ALOX15B: variants seen among roughly 807,000 people sequenced by gnomAD.
The protein encoded by ALOX15B is arachidonate 15-lipoxygenase type B, also known as polyunsaturated fatty acid lipoxygenase ALOX15B.
Under a neutral mutation model 73.8 loss-of-function variants are expected in ALOX15B, and 74 were observed. The observed-to-expected ratio is 1.00, with a 90% CI of 0.83 to 1.22. The LOEUF (loss-of-function observed/expected upper bound fraction) is 1.22. Ranked by LOEUF, ALOX15B falls within the 50% of genes most tolerant of loss-of-function variation. The probability of loss-of-function intolerance (pLI) is 0.00; values close to 1 mark genes in which losing one functional copy is unlikely to be tolerated. For synonymous variants in ALOX15B, 353 were observed against 357.2 expected (o/e 0.99, Z 0.13); for missense variants, 896 against 859.9 (o/e 1.04, Z -0.52).
intron 3 of ALOX15B, 106 bp from the exon 4 acceptor site, chr17:8,042,263 G>A: frequency 7.1e-7 from 1 of 1,405,100 alleles, no homozygotes; most frequent in South Asian, 1.4e-5. Context: ...TTGGCTGAAG[G>A]GGTCTGGCTG....
Position 8,039,536 on chromosome 17 carries a change from G to A in ALOX15B, c.298G>A (p.Gly100Ser), listed in dbSNP as rs1014863343. Residue 100 changes from glycine to serine, a missense_variant, in exon 2 of 14, where the codon GGC becomes AGC. By Grantham distance (56) the Gly-to-Ser change is moderately conservative (BLOSUM62 0). Transcript: ENST00000380183. ...GTTCCAGCTGACACCGCCGCGGGGCGGCCACCTCCTCTTCCCCTGCTACCA... is the reference window on the plus strand; with the variant it reads ...GTTCCAGCTGACACCGCCGCGGGGCAGCCACCTCCTCTTCCCCTGCTACCA... ...RWFQLTPPRGGHLLFPCYQWL... is the reference protein window; with the variant it reads ...RWFQLTPPRGSHLLFPCYQWL... 1.9e-6 allele frequency: 3 copies of A among 1,547,348 alleles called. No individual in the cohort carries two copies. Among genetic ancestry groups the A allele is most frequent in the Admixed American group, 1.9e-5 (1 of 52,096 alleles).
In ALOX15B at chr17:8,039,554, T is replaced by A; in HGVS notation, c.316T>A (p.Cys106Ser). Residue 106 changes from cysteine to serine, a missense_variant, in exon 2 of 14, where the codon TGC becomes AGC. Cys to Ser is a moderately radical substitution (Grantham distance 112). Transcript: ENST00000380183. The stretch of plus-strand genomic sequence containing the variant: ...GCGGGGCGGCCACCTCCTCTTCCCC[T>A]GCTACCAGTGGCTGGAGGGGGCGGG... ...PPRGGHLLFP[C>S]YQWLEGAGTL... 1 of 1,472,416 alleles carries A rather than the reference T, an allele frequency of 6.8e-7. No individual in the cohort carries two copies. Among genetic ancestry groups the A allele is most frequent in the Non-Finnish European group, 9.0e-7 (1 of 1,108,274 alleles). 91.2% of individuals were successfully genotyped at this position (1,472,416 alleles called of 1,614,324 possible).
rs994966995 is a variant in ALOX15B, at chr17:8,044,932, C to G, written c.780C>G (p.Asn260Lys). ...LIRRCHYLPK[N>K]FPVTDAMVAS... is the part of the protein sequence containing the mutation. Reference sequence around the variant, plus strand: ...GCCGCTGTCACTACCTCCCAAAGAACTTCCCCGTCACTGATGCCATGGTGG... The same window carrying G: ...GCCGCTGTCACTACCTCCCAAAGAAGTTCCCCGTCACTGATGCCATGGTGG... Residue 260 changes from asparagine (N) to lysine (K), a missense_variant, in exon 6 of 14, where the codon AAC becomes AAG. Physicochemically the swap from Asn to Lys is moderately conservative, Grantham distance 94. Coordinates refer to ENST00000380183, the MANE Select transcript of ALOX15B (RefSeq NM_001141.3). 3.1e-6 allele frequency: 5 copies of G among 1,614,066 alleles called. No individual in the cohort carries two copies. Among genetic ancestry groups the G allele is most frequent in the Non-Finnish European group, 4.2e-6 (5 of 1,180,036 alleles).
chr17:8,048,511 G>A lies in ALOX15B; in HGVS notation c.1977G>A (p.Val659=). ...RGIQERNQGL[V]LPYTYLDPPL... ...TCCAGGAGCGGAACCAGGGCCTGGTGCTGCCCTACACCTACCTAGACCCTC... is the reference window on the plus strand; with the variant it reads ...TCCAGGAGCGGAACCAGGGCCTGGTACTGCCCTACACCTACCTAGACCCTC... Residue 659 remains valine (V), a synonymous_variant, in exon 14 of 14, where the codon GTG becomes GTA. Transcript: ENST00000380183. 6.2e-7 allele frequency: 1 copy of A among 1,614,130 alleles called. No homozygotes were observed. The highest frequency in any genetic ancestry group is 8.5e-7 in the Non-Finnish European group (1 of 1,180,014).
chr17:8,042,491 C>T lies in ALOX15B; in HGVS notation c.572C>T (p.Ala191Val), dbSNP rs568399473. The stretch of plus-strand genomic sequence containing the variant: ...AACTTTTATCTACAGGCTGGCTCTG[C>T]GTGAGGATGCCCACCCTTCCCTGCC... Reference protein sequence around the residue: ...NANFYLQAGSAFAEMKIKGLL... With the variant: ...NANFYLQAGSVFAEMKIKGLL... The change falls in exon 4 of 14, where the codon GCT (alanine) becomes GTT (valine). Residue 191 changes from alanine to valine, a missense_variant and splice_region_variant. Transcript: ENST00000380183. The T allele has an allele frequency of 1.9e-5, 31 of 1,612,868 alleles. No individual in the cohort carries two copies. The highest frequency in any genetic ancestry group is 8.0e-5 in the African/African-American group (6 of 74,998).
intron 6 of ALOX15B, 102 bp downstream of exon 6, chr17:8,045,103 C>T (rs2151813957): frequency 1.3e-6 from 2 of 1,581,622 alleles, no homozygotes; most frequent in South Asian, 1.2e-5. Flanking sequence ...TGTTAGGGAC[C>T]TACCGCGTGC....
rs4792147 is a variant in ALOX15B, at chr17:8,048,501, A to G, written c.1967A>G (p.Gln656Arg). 849,838 of 1,613,818 alleles carry G rather than the reference A, an allele frequency of 0.53. 228,952 individuals are homozygous for G. Among genetic ancestry groups the G allele is most frequent in the African/African-American group, 0.83 (62,186 of 74,970 alleles). The change falls in exon 14 of 14, where the codon CAG (glutamine) becomes CGG (arginine). Residue 656 changes from glutamine to arginine, a missense_variant. By Grantham distance (43) the Gln-to-Arg change is conservative. Transcript: ENST00000380183. ...QISRGIQERN[Q>R]GLVLPYTYLD... Reference sequence around the variant, plus strand: ...TCGAGGGGCATCCAGGAGCGGAACCAGGGCCTGGTGCTGCCCTACACCTAC... The same window carrying G: ...TCGAGGGGCATCCAGGAGCGGAACCGGGGCCTGGTGCTGCCCTACACCTAC...
In ALOX15B at chr17:8,048,459, G is replaced by C. The variant is rs1976673123; in HGVS notation, c.1925G>C (p.Ser642Thr). Residue 642 changes from serine to threonine, a missense_variant, in exon 14 of 14, where the codon AGC becomes ACC. Physicochemically the swap from Ser to Thr is moderately conservative, Grantham distance 58. Coordinates refer to ENST00000380183, the MANE Select transcript of ALOX15B (RefSeq NM_001141.3). ...CGGCGGAGCATCGCCACCTTCCAGA[G>C]CCGCCTGGCCCAGATCTCGAGGGGC... is the stretch of plus-strand genomic sequence containing the variant. ...APRRSIATFQ[S>T]RLAQISRGIQ... The C allele has an allele frequency of 6.2e-7, 1 of 1,614,010 alleles. No individual in the cohort carries two copies. Among genetic ancestry groups the C allele is most frequent in the Admixed American group, 1.7e-5 (1 of 60,012 alleles).
Position 8,046,853 on chromosome 17 carries a change from C to A in ALOX15B, c.1288-54C>A. 2.5e-6 allele frequency: 4 copies of A among 1,611,512 alleles called. No homozygotes were observed. In the South Asian group the frequency reaches 4.4e-5, roughly 18 times the overall value. ...GTGGCCCATCTCCCCGACACCAGTG[C>A]TACCTCCTGCTTCTGGAGCAAGGTC... On this transcript the variant is annotated intron_variant, in intron 9 of 13. Transcript: ENST00000380183.
chr17:8,044,963 GT>G lies in ALOX15B; in HGVS notation c.812del (p.Val271GlyfsTer12). ...FPVTDAMVAS[V>X]LGPGTSLQAE... ...CGTCACTGATGCCATGGTGGCCTCA[GT>G]GTTGGGTCCTGGGACCAGCTTGCAG... On this transcript the variant is annotated frameshift_variant, in exon 6 of 14. Transcript: ENST00000380183. LOFTEE classifies it high-confidence loss of function. The G allele has an allele frequency of 1.2e-6, 2 of 1,614,174 alleles. No homozygotes were observed. The highest frequency in any genetic ancestry group is 8.5e-7 in the Non-Finnish European group (1 of 1,180,034).
rs1362806975 is a variant in ALOX15B at position 8,044,880 on chromosome 17, T to C, written c.728T>C (p.Leu243Pro). The C allele has an allele frequency of 1.9e-6, 3 of 1,610,286 alleles. No homozygotes were observed. The highest frequency in any genetic ancestry group is 4.5e-5 in the East Asian group (2 of 44,630). ...QEDAFFASQFLNGLNPVLIRR... is the reference protein window; with the variant it reads ...QEDAFFASQFPNGLNPVLIRR... ...GACGCCTTCTTCGCCTCCCAGTTCCTGAATGGTCTCAACCCTGTCCTGATC... is the reference window on the plus strand; with the variant it reads ...GACGCCTTCTTCGCCTCCCAGTTCCCGAATGGTCTCAACCCTGTCCTGATC... The change falls in exon 6 of 14, where the codon CTG (leucine) becomes CCG (proline). Residue 243 changes from leucine to proline, a missense_variant. Physicochemically the swap from Leu to Pro is moderately conservative, Grantham distance 98. Coordinates refer to ENST00000380183, the MANE Select transcript of ALOX15B (RefSeq NM_001141.3).
At chr17:8,047,209 C>CAG in intron 10 of ALOX15B, 49 bp from the exon 11 acceptor site, 1 of 1,612,076 alleles carries the variant, frequency 6.2e-7, no homozygotes, top group Non-Finnish European at 8.5e-7. Context: ...AGGCATTCCT[C>CAG]AGAGCGGGTC....
At chr17:8,040,658 A>G (rs1037088251) in intron 3 of ALOX15B, among the ~76,000 whole-genome samples, 6 of 149,692 alleles carry the variant, frequency 4.0e-5, no homozygotes, top group Non-Finnish European at 6.0e-5. Flanking sequence ...AAAGAAAAGA[A>G]AGAGAAAGAA....
rs1169396612 is a variant in ALOX15B, at chr17:8,042,324, C to T, written c.450-45C>T. On this transcript the variant is annotated intron_variant, in intron 3 of 13. Transcript: ENST00000380183. ...CACTCCATCTGCCCTAGCAAAGAGT[C>T]TCCCTGAGGCCTCTTGCTGACCACC... is the stretch of plus-strand genomic sequence containing the variant. 5 of 1,605,284 alleles carry T rather than the reference C, an allele frequency of 3.1e-6. No homozygotes were observed. In the African/African-American group the frequency reaches 6.7e-5, roughly 21 times the overall value.
Position 8,048,674 on chromosome 17 carries a change from C to T in ALOX15B, c.*109C>T. 1 of 1,260,528 alleles carries T rather than the reference C, an allele frequency of 7.9e-7. No individual in the cohort carries two copies. The highest frequency in any genetic ancestry group is 1.1e-6 in the Non-Finnish European group (1 of 924,674). 78.1% of individuals were successfully genotyped at this position (1,260,528 alleles called of 1,614,324 possible). Reference sequence around the variant, plus strand: ...AGAAAAAACAGGCCCCCATGTGCCTCTCCTGGGACAACCAGACTCTGTAAC... The same window carrying T: ...AGAAAAAACAGGCCCCCATGTGCCTTTCCTGGGACAACCAGACTCTGTAAC... On this transcript the variant is annotated 3_prime_UTR_variant, in exon 14 of 14. Coordinates refer to ENST00000380183, the MANE Select transcript of ALOX15B (RefSeq NM_001141.3).
intron 5 of ALOX15B, among the ~76,000 whole-genome samples, chr17:8,043,497 C>G (rs1976516561): frequency 6.6e-6 from 1 of 152,222 alleles, no homozygotes; most frequent in African/African-American, 2.4e-5. Context: ...CAGGAAGGTG[C>G]ACGGGGGTCG....
chr17:8,047,635 G>T lies in ALOX15B; in HGVS notation c.1651G>T (p.Ala551Ser). Residue 551 changes from alanine (A) to serine (S), a missense_variant, in exon 12 of 14, where the codon GCC (alanine) becomes TCC (serine). By Grantham distance (99) the Ala-to-Ser change is moderately conservative (BLOSUM62 1). Coordinates refer to ENST00000380183, the MANE Select transcript of ALOX15B (RefSeq NM_001141.3). ...YVTMVIFTCS[A>S]KHAAVSAGQF... ...CACCATGGTGATATTCACCTGCTCC[G>T]CCAAGCATGCGGCTGTCAGTGCAGG... The T allele has an allele frequency of 6.2e-7, 1 of 1,611,390 alleles. No homozygotes were observed. The highest frequency in any genetic ancestry group is 8.5e-7 in the Non-Finnish European group (1 of 1,178,770).
At chr17:8,043,792 G>A (rs1264702458) in intron 5 of ALOX15B, among the ~76,000 whole-genome samples, 2 of 152,108 alleles carry the variant, frequency 1.3e-5, no homozygotes, top group African/African-American at 4.8e-5. Flanking sequence ...GCTCCGGCTG[G>A]GCGCAGTGGC....
At position 8,045,400 on chromosome 17, in the gene ALOX15B, G is replaced by C. The variant is rs750483121; in HGVS notation, c.996+16G>C. 3.1e-6 allele frequency: 5 copies of C among 1,613,760 alleles called. No homozygotes were observed. The highest frequency in any genetic ancestry group is 4.2e-6 in the Non-Finnish European group (5 of 1,179,970). ...CGCCATCCAGGTATGCAGTCAGGCAGGGGCAGGGCAGCGTGAAGAAGAGTC... is the reference window on the plus strand; with the variant it reads ...CGCCATCCAGGTATGCAGTCAGGCACGGGCAGGGCAGCGTGAAGAAGAGTC... On this transcript the variant is annotated intron_variant, in intron 7 of 13. Transcript: ENST00000380183.
Sources: allele counts gnomAD v4.1 joint callset (sites outside exome capture counted in the v4.1 genomes callset), GRCh38; gene constraint gnomAD v4.1.1; transcripts MANE v1.5; gene names NCBI Gene and HGNC (gene_info 2026-07-23, HGNC 2026-07-21).